OSTN: variants seen among roughly 807,000 people sequenced by gnomAD.
OSTN encodes the protein osteocrin.
A neutral mutation model predicts 12.0 loss-of-function variants in OSTN; 9 were observed. That is an observed-to-expected ratio of 0.75 (90% CI 0.45 to 1.30). The LOEUF (loss-of-function observed/expected upper bound fraction) is 1.30, where lower values mean the gene tolerates loss of function less well. Among genes scored for constraint, OSTN ranks in the 50% most tolerant of loss-of-function variants. The pLI, the probability that OSTN is intolerant of heterozygous loss-of-function variation, is 0.00. For synonymous variants in OSTN, 59 were observed against 56.9 expected, an observed-to-expected ratio of 1.04 and a Z score of -0.16; for missense variants, 148 against 152.3, an observed-to-expected ratio of 0.97 and a Z score of 0.15.
At chr3:191,250,217 T>C (rs1463519161) in intron 4 of OSTN, 84 bp downstream of exon 4, 1 of 1,051,760 alleles carries the variant, frequency 9.5e-7, no homozygotes, top group Non-Finnish European at 1.4e-6. Flanking sequence ...TTCTTGCTTA[T>C]AAATCCCCCT....
At position 191,232,331 on chromosome 3, in the gene OSTN, T is replaced by TAAA. The variant is rs61313474; in HGVS notation, c.317+13398_317+13400dup. 1.2e-3 allele frequency among the ~76,000 whole-genome samples: 83 copies of TAAA among 67,458 alleles called. 1 individual carries two copies. Among genetic ancestry groups the TAAA allele is most frequent in the Admixed American group, 1.6e-3 (10 of 6,276 alleles). 44.3% of individuals were successfully genotyped at this position (67,458 alleles called of 152,430 possible). A position where few individuals can be genotyped will look rare whatever the true frequency, so the allele number is the denominator to read the frequency against. The stretch of plus-strand genomic sequence containing the variant: ...CTGGGTGACAGAGGGAGACTCTGTC[T>TAAA]AAAAAAAAAAAAAAAAAAAAAAAAA... On this transcript the variant is annotated intron_variant, in intron 3 of 4. Transcript: ENST00000682035.
intron 3 of OSTN, among the ~76,000 whole-genome samples, chr3:191,243,796 T>C (rs1358168487): frequency 1.3e-5 from 2 of 152,164 alleles, no homozygotes; most frequent in Non-Finnish European, 2.9e-5. Context: ...TATTTACATG[T>C]TAATATCAAC....
At chr3:191,242,845 A>G (rs1217932894) in intron 3 of OSTN, among the ~76,000 whole-genome samples, 1 of 152,218 alleles carries the variant, frequency 6.6e-6, no homozygotes, top group African/African-American at 2.4e-5. Flanking sequence ...CACATCAAAG[A>G]TTTTTTAAAA....
rs1277970401 is a variant in OSTN, at chr3:191,250,063, G to T, written c.344G>T (p.Arg115Leu). Residue 115 changes from arginine to leucine, a missense_variant, in exon 4 of 5, where the codon CGA becomes CTA. By Grantham distance (102) the Arg-to-Leu change is moderately radical (BLOSUM62 -2). Transcript: ENST00000682035. Reference sequence around the variant, plus strand: ...AAAGTAGTAGATCATCCAAAAAGGCGATTTGGTATCCCCATGGATCGGATT... The same window carrying T: ...AAAGTAGTAGATCATCCAAAAAGGCTATTTGGTATCCCCATGGATCGGATT... ...QRKVVDHPKRRFGIPMDRIGR... is the reference protein window; with the variant it reads ...QRKVVDHPKRLFGIPMDRIGR... 12 of 1,613,690 alleles carry T rather than the reference G, an allele frequency of 7.4e-6. No individual in the cohort carries two copies. The highest frequency in any genetic ancestry group is 9.3e-6 in the Non-Finnish European group (11 of 1,179,752).
chr3:191,229,916 A>C (rs997628566), intron 3 of OSTN: 1 of 151,914 alleles, frequency 6.6e-6, no homozygotes, highest in Non-Finnish European at 1.5e-5. Flanking sequence ...AATACAAAAA[A>C]TTAGCTGGGC....
intron 3 of OSTN, among the ~76,000 whole-genome samples, chr3:191,226,930 T>C (rs1214758409): frequency 6.6e-6 from 1 of 152,116 alleles, no homozygotes; most frequent in East Asian, 1.9e-4. Context: ...AAGACATTGT[T>C]GGAAGTTCTA....
At chr3:191,262,239 C>T (rs566893365) in intron 4 of OSTN, among the ~76,000 whole-genome samples, 2 of 152,222 alleles carry the variant, frequency 1.3e-5, no homozygotes, top group African/African-American at 4.8e-5. Context: ...GAAACGTGAC[C>T]ATTAATTGTG....
chr3:191,249,988 T>C (rs1715522803), intron 3 of OSTN, 49 bp from the exon 4 acceptor site: 1 of 1,359,162 alleles, frequency 7.4e-7, no homozygotes, highest in South Asian at 1.2e-5. Flanking sequence ...AAAATAATGA[T>C]CAATAACTTG....
intron 3 of OSTN, among the ~76,000 whole-genome samples, chr3:191,223,799 CT>C (rs778173607): frequency 6.6e-6 from 1 of 151,970 alleles, no homozygotes; most frequent in East Asian, 1.9e-4. Context: ...ATGTAATAAA[CT>C]CATATGTAAG....
At chr3:191,206,763 C>CT (rs1212613082) in intron 1 of OSTN, among the ~76,000 whole-genome samples, 1 of 152,192 alleles carries the variant, frequency 6.6e-6, no homozygotes, top group Non-Finnish European at 1.5e-5. Flanking sequence ...TGCATCAGGT[C>CT]TTTTTTCCAT....
intron 1 of OSTN, among the ~76,000 whole-genome samples, chr3:191,200,742 A>G (rs1469060709): frequency 6.6e-6 from 1 of 152,196 alleles, no homozygotes; most frequent in African/African-American, 2.4e-5. Context: ...ATTAGAGAAT[A>G]AAACCTCAGT....
At chr3:191,256,552 A>C (rs1173868216) in intron 4 of OSTN, among the ~76,000 whole-genome samples, 1 of 151,966 alleles carries the variant, frequency 6.6e-6, no homozygotes, top group Non-Finnish European at 1.5e-5. Flanking sequence ...GAGAAGACTC[A>C]GTTTCTTAAA....
chr3:191,239,417 T>C (rs947047240), intron 3 of OSTN, among the ~76,000 whole-genome samples: 2 of 152,250 alleles, frequency 1.3e-5, no homozygotes, highest in African/African-American at 4.8e-5. Context: ...GTTCCCTGCC[T>C]CTAGACCCTA....
chr3:191,251,845 A>G (rs993453048), intron 4 of OSTN, among the ~76,000 whole-genome samples: 5 of 152,236 alleles, frequency 3.3e-5, no homozygotes, highest in Non-Finnish European at 7.3e-5. Flanking sequence ...TTGAGTAGAA[A>G]CTAGCTAATT....
chr3:191,220,275 A>G (rs1714729264), intron 3 of OSTN, among the ~76,000 whole-genome samples: 1 of 152,142 alleles, frequency 6.6e-6, no homozygotes, highest in Admixed American at 6.6e-5. Context: ...TCATTTGAAG[A>G]CCATACCTTA....
chr3:191,224,642 A>G (rs1714865214), intron 3 of OSTN, among the ~76,000 whole-genome samples: 1 of 152,124 alleles, frequency 6.6e-6, no homozygotes, highest in Non-Finnish European at 1.5e-5. Context: ...ATATATTACA[A>G]AAACAATCAC....
In OSTN at chr3:191,263,072, A is replaced by G; in HGVS notation, c.*219A>G. The G allele has an allele frequency of 2.0e-6, 1 of 492,416 alleles. No homozygotes were observed. Among genetic ancestry groups the G allele is most frequent in the Non-Finnish European group, 3.6e-6 (1 of 277,910 alleles). 30.5% of individuals were successfully genotyped at this position (492,416 alleles called of 1,614,324 possible). A position where few individuals can be genotyped will look rare whatever the true frequency, so the allele number is the denominator to read the frequency against. ...TGATGCACGTACATTTTAAAATTAT[A>G]TATTTTAATTATTCAAGAATGGTTA... On this transcript the variant is annotated 3_prime_UTR_variant, in exon 5 of 5. Transcript: ENST00000682035.
chr3:191,221,178 T>C (rs1181778715), intron 3 of OSTN, among the ~76,000 whole-genome samples: 1 of 152,216 alleles, frequency 6.6e-6, no homozygotes, highest in Non-Finnish European at 1.5e-5. Flanking sequence ...TGATTGTAAG[T>C]TTCCTAAGGT....
intron 3 of OSTN, among the ~76,000 whole-genome samples, chr3:191,240,629 T>A (rs1715296666): frequency 6.6e-6 from 1 of 152,172 alleles, no homozygotes. Context: ...CAGCTCAGGG[T>A]CTCTCTCAAG....
Sources: gnomAD v4.1 joint callset for allele counts (sites outside exome capture counted in the v4.1 genomes callset) on GRCh38, gnomAD v4.1.1 for gene constraint, MANE v1.5 for transcripts, NCBI Gene and HGNC (gene_info 2026-07-23, HGNC 2026-07-21) for gene names.